PLEKHG1: variants seen among roughly 807,000 people sequenced by gnomAD.
The protein encoded by PLEKHG1 is pleckstrin homology and RhoGEF domain containing G1, also known as pleckstrin homology domain-containing family G member 1.
Under a neutral mutation model 100.8 loss-of-function variants are expected in PLEKHG1, and 44 were observed. The observed-to-expected ratio is 0.44, with a 90% CI of 0.34 to 0.56. The LOEUF (loss-of-function observed/expected upper bound fraction) is 0.56. Ranked by LOEUF, PLEKHG1 falls within the 20% of genes least tolerant of loss-of-function variation. The pLI, the probability that PLEKHG1 is intolerant of heterozygous loss-of-function variation, is 0.01. For synonymous variants in PLEKHG1, 640 were observed against 662.5 expected, an observed-to-expected ratio of 0.97 and a Z score of 0.52; for missense variants, 1,545 against 1,720.9, an observed-to-expected ratio of 0.90 and a Z score of 1.81.
At chr6:150,839,407 C>T (rs1022663233) in intron 15 of PLEKHG1, among the ~76,000 whole-genome samples, 2 of 152,268 alleles carry the variant, frequency 1.3e-5, no homozygotes, top group South Asian at 2.1e-4. Context: ...TGAGCTATTA[C>T]GCCCAGCCCT....
At chr6:150,727,178 G>C (rs1782002371) in intron 1 of PLEKHG1, among the ~76,000 whole-genome samples, 1 of 152,172 alleles carries the variant, frequency 6.6e-6, no homozygotes, top group South Asian at 2.1e-4. Flanking sequence ...ACTCAGACTA[G>C]GTATTTGATG....
intron 3 of PLEKHG1, among the ~76,000 whole-genome samples, chr6:150,674,028 A>G (rs1435142867): frequency 6.6e-6 from 1 of 152,070 alleles, no homozygotes. Context: ...TCCACCACAC[A>G]CCACACACAC....
chr6:150,792,357 CAA>C (rs34263748), intron 4 of PLEKHG1, among the ~76,000 whole-genome samples: 5 of 87,016 alleles, frequency 5.7e-5, no homozygotes, highest in Admixed American at 1.2e-4. Flanking sequence ...ACTCAGTCTC[CAA>C]AAAAAAAAAA....
chr6:150,613,437 G>GT (rs1776934823), intron 1 of PLEKHG1, among the ~76,000 whole-genome samples: 1 of 152,220 alleles, frequency 6.6e-6, no homozygotes, highest in Non-Finnish European at 1.5e-5. Flanking sequence ...AGTGCCCAGT[G>GT]CAGAGAAATG....
At chr6:150,631,299 C>T (rs1171051185) in intron 1 of PLEKHG1, among the ~76,000 whole-genome samples, 2 of 152,192 alleles carry the variant, frequency 1.3e-5, no homozygotes, top group African/African-American at 4.8e-5. Context: ...ACCACGAAAC[C>T]AGTTCCACCT....
intron 1 of PLEKHG1, among the ~76,000 whole-genome samples, chr6:150,627,699 G>C (rs1403856129): frequency 6.6e-6 from 1 of 152,036 alleles, no homozygotes; most frequent in Non-Finnish European, 1.5e-5. Flanking sequence ...TTGTTTTTTA[G>C]GATCACAAGT....
chr6:150,789,779 T>C (rs976786783), intron 4 of PLEKHG1, among the ~76,000 whole-genome samples: 1 of 152,108 alleles, frequency 6.6e-6, no homozygotes, highest in Non-Finnish European at 1.5e-5. Flanking sequence ...CAGAGAAAAG[T>C]CCCCATTTGG....
chr6:150,607,544 GT>G (rs547608073), intron 1 of PLEKHG1, among the ~76,000 whole-genome samples: 37 of 152,182 alleles, frequency 2.4e-4, no homozygotes, highest in Non-Finnish European at 5.3e-4. Flanking sequence ...ACAGCTTACA[GT>G]TTCAGTATTC....
chr6:150,603,099 A>G (rs1193456991), intron 1 of PLEKHG1, among the ~76,000 whole-genome samples: 7 of 148,242 alleles, frequency 4.7e-5, no homozygotes, highest in African/African-American at 9.8e-5. Context: ...AAAAATAAAA[A>G]AAAAGAAAAG....
intron 10 of PLEKHG1, among the ~76,000 whole-genome samples, chr6:150,817,537 G>T (rs1328658047): frequency 6.6e-6 from 1 of 150,864 alleles, no homozygotes; most frequent in Non-Finnish European, 1.5e-5. Context: ...GATCAGGGTT[G>T]GGTGGCAAGA....
chr6:150,818,345 A>C (rs773406593), intron 11 of PLEKHG1, 129 bp downstream of exon 12: 50 of 735,818 alleles, frequency 6.8e-5, no homozygotes, highest in Non-Finnish European at 1.0e-4. Flanking sequence ...TGTTTTCACA[A>C]ATTGGGTAGA....
intron 3 of PLEKHG1, among the ~76,000 whole-genome samples, chr6:150,659,701 C>T (rs1482376008): frequency 1.3e-5 from 2 of 152,170 alleles, no homozygotes; most frequent in East Asian, 3.8e-4. Flanking sequence ...TTACCTGCCC[C>T]TGCCTCCAAG....
chr6:150,768,903 A>C (rs945692070), intron 3 of PLEKHG1, among the ~76,000 whole-genome samples, 165 bp downstream of exon 4: 1 of 152,106 alleles, frequency 6.6e-6, no homozygotes, highest in African/African-American at 2.4e-5. Flanking sequence ...TTATTTCCTT[A>C]TGAGTCTCAC....
At chr6:150,653,056 C>T in intron 3 of PLEKHG1, among the ~76,000 whole-genome samples, 1 of 152,084 alleles carries the variant, frequency 6.6e-6, no homozygotes, top group East Asian at 1.9e-4. Context: ...AAGAAAGTCC[C>T]AGAAGTTCTT....
At position 150,831,923 on chromosome 6, in the gene PLEKHG1, A is replaced by G. The variant is rs201972643; in HGVS notation, c.2812A>G (p.Ser938Gly). The change falls in exon 15 of 16, where the codon AGT (serine) becomes GGT (glycine). Residue 938 changes from serine to glycine, a missense_variant. Coordinates refer to ENST00000358517, the Ensembl canonical transcript of PLEKHG1. This position sits in a 1 kb window ranked among gnomAD's most constrained non-coding sequence, Gnocchi z 4.1. Reference sequence around the variant, plus strand: ...GAGCCTTAACCGGCTTTCTCTGGCTAGTGAAATGCCCCTCATGGACAATCC... The same window carrying G: ...GAGCCTTAACCGGCTTTCTCTGGCTGGTGAAATGCCCCTCATGGACAATCC... 1.2e-6 allele frequency: 2 copies of G among 1,614,070 alleles called. No homozygotes were observed. The highest frequency in any genetic ancestry group is 1.3e-5 in the African/African-American group (1 of 75,062).
intron 3 of PLEKHG1, among the ~76,000 whole-genome samples, chr6:150,674,256 A>AC (rs1428874616): frequency 1.3e-5 from 2 of 151,006 alleles, no homozygotes; most frequent in Non-Finnish European, 3.0e-5. Context: ...GATATGCATG[A>AC]CCCAGTTTAG....
intron 15 of PLEKHG1, among the ~76,000 whole-genome samples, chr6:150,832,467 G>A (rs1777003905): frequency 6.6e-6 from 1 of 152,136 alleles, no homozygotes; most frequent in African/African-American, 2.4e-5. Context: ...TTAAGAAAGA[G>A]TTTTCTCTAA....
chr6:150,681,015 A>G (rs1052626089), intron 3 of PLEKHG1, among the ~76,000 whole-genome samples: 3 of 152,228 alleles, frequency 2.0e-5, no homozygotes, highest in African/African-American at 7.2e-5. Context: ...TCCAAATTCT[A>G]TATGAATTTA....
chr6:150,655,123 A>G (rs1445501049), intron 3 of PLEKHG1, among the ~76,000 whole-genome samples: 1 of 152,248 alleles, frequency 6.6e-6, no homozygotes, highest in African/African-American at 2.4e-5. Flanking sequence ...TAAGTATTGA[A>G]CATCTCTTTT....
Sources: allele counts gnomAD v4.1 joint callset (sites outside exome capture counted in the v4.1 genomes callset), GRCh38; gene constraint gnomAD v4.1.1; non-coding constraint Gnocchi (gnomAD v3.1); transcripts MANE v1.5; gene names NCBI Gene and HGNC (gene_info 2026-07-23, HGNC 2026-07-21).